Variants in NEBL observed in about 807,000 individuals in gnomAD.
The protein encoded by NEBL is LIM and SH3 protein 2.
Under a neutral mutation model 140.2 loss-of-function variants are expected in NEBL, and 122 were observed. That is an observed-to-expected ratio of 0.87 (90% CI 0.75 to 1.01). The LOEUF (loss-of-function observed/expected upper bound fraction) is 1.01, where lower values mean the gene tolerates loss of function less well. NEBL is among the 50% of genes least tolerant of loss of function. NEBL has a pLI of 0.00. For synonymous variants in NEBL, 436 were observed against 398.9 expected (o/e 1.09, Z -1.11); for missense variants, 1,365 against 1,231.3 (o/e 1.11, Z -1.62).
intron 4 of NEBL, among the ~76,000 whole-genome samples, chr10:20,923,203 G>A (rs1468284648): frequency 1.3e-5 from 2 of 151,822 alleles, no homozygotes; most frequent in Non-Finnish European, 2.9e-5. Context: ...AAGTAGCTGG[G>A]ACCACAGCCA....
chr10:21,124,420 C>T (rs192880232), intron 2 of NEBL, among the ~76,000 whole-genome samples: 246 of 152,272 alleles, frequency 1.6e-3, no homozygotes, highest in Middle Eastern at 3.4e-3. Context: ...TATAATCAGG[C>T]CTGGGCCTTT....
At chr10:20,897,553 TA>T, upstream of NEBL, 1 of 1,057,144 alleles carries the variant, frequency 9.5e-7, no homozygotes, top group Non-Finnish European at 1.1e-6. Flanking sequence ...TAAAAGAGCA[TA>T]AAAAGGACTT....
intron 24 of NEBL, 129 bp from the exon 25 acceptor site, chr10:20,810,027 G>A: frequency 1.5e-6 from 1 of 689,290 alleles, no homozygotes; most frequent in Non-Finnish European, 2.5e-6. Flanking sequence ...AAGCAAACAT[G>A]TAACAGACAA....
At chr10:20,813,185 C>CTA (rs1410408975) in intron 23 of NEBL, among the ~76,000 whole-genome samples, 2 of 150,370 alleles carry the variant, frequency 1.3e-5, no homozygotes, top group Admixed American at 6.6e-5. Flanking sequence ...ATATATAAAA[C>CTA]TATATATATA....
intron 13 of NEBL, among the ~76,000 whole-genome samples, chr10:20,836,333 C>T (rs1666304586): frequency 6.6e-6 from 1 of 152,082 alleles, no homozygotes; most frequent in African/African-American, 2.4e-5. Flanking sequence ...AGCGATTCTC[C>T]AGCCTCAGCC....
chr10:21,180,102 ACT>A (rs1477209289), intron 3 of NEBL, among the ~76,000 whole-genome samples: 1 of 152,062 alleles, frequency 6.6e-6, no homozygotes, highest in African/African-American at 2.4e-5. Flanking sequence ...GTGCCACTGT[ACT>A]TCAGACTGGG....
intron 26 of NEBL, 45 bp downstream of exon 26, chr10:20,808,465 T>TA (rs1410888282): frequency 1.2e-6 from 2 of 1,602,812 alleles, no homozygotes; most frequent in East Asian, 2.2e-5. Flanking sequence ...GTGACACACT[T>TA]AAAAAATGAA....
At chr10:20,845,445 C>T in intron 11 of NEBL, 77 bp from the exon 12 acceptor site, 1 of 936,210 alleles carries the variant, frequency 1.1e-6, no homozygotes, top group Non-Finnish European at 1.7e-6. Flanking sequence ...CAAGAGTTCC[C>T]AGAACAAAAA....
At chr10:20,799,436 G>A (rs989428687) in intron 26 of NEBL, among the ~76,000 whole-genome samples, 1 of 152,150 alleles carries the variant, frequency 6.6e-6, no homozygotes, top group Non-Finnish European at 1.5e-5. Context: ...GATTGCAGGC[G>A]TGCCCGGTTC....
intron 2 of NEBL, among the ~76,000 whole-genome samples, chr10:21,135,302 T>C (rs1361806559): frequency 6.6e-6 from 1 of 152,244 alleles, no homozygotes; most frequent in African/African-American, 2.4e-5. Flanking sequence ...GGGCCAATGC[T>C]GACAGGACAG....
chr10:20,973,076 A>T (rs570087623), intron 3 of NEBL, among the ~76,000 whole-genome samples: 2 of 152,172 alleles, frequency 1.3e-5, no homozygotes, highest in Non-Finnish European at 2.9e-5. Context: ...AGAGCTCCAC[A>T]TTAATTACAG....
intron 7 of NEBL, among the ~76,000 whole-genome samples, chr10:20,860,579 A>C (rs1432700245): frequency 1.3e-5 from 2 of 150,184 alleles, no homozygotes; most frequent in Admixed American, 6.6e-5. Context: ...AAAAAAAAAA[A>C]AAAAAAAACC....
intron 1 of NEBL, among the ~76,000 whole-genome samples, chr10:21,254,830 T>C (rs1245811045): frequency 6.6e-6 from 1 of 152,164 alleles, no homozygotes; most frequent in Admixed American, 6.6e-5. Context: ...TGCCCATGAC[T>C]GCCTGACCCT....
intron 16 of NEBL, among the ~76,000 whole-genome samples, chr10:20,829,788 C>T (rs1036079253): frequency 1.3e-5 from 2 of 152,066 alleles, no homozygotes; most frequent in East Asian, 1.9e-4. Context: ...CCTTCACTCT[C>T]AATACTTTTA....
rs1835089973 is a variant in NEBL, at chr10:20,782,374, A to G, written c.*3373T>C. The G allele has an allele frequency of 1.3e-5, 2 of 152,646 alleles. No homozygotes were observed. Among genetic ancestry groups the G allele is most frequent in the Non-Finnish European group, 2.9e-5 (2 of 68,030 alleles). The allele number at this position is 152,646 out of a possible 1,614,324, so 9.5% of individuals were successfully genotyped here. On this transcript the variant is annotated 3_prime_UTR_variant, in exon 28 of 28. Transcript: ENST00000377122. ...CTATAGGGATGTGTTATTAAAGATC[A>G]CACACATTTTCTTCATCTTTTATTG...
At chr10:20,886,617 G>T (rs2131352004) in intron 4 of NEBL, among the ~76,000 whole-genome samples, 1 of 152,260 alleles carries the variant, frequency 6.6e-6, no homozygotes, top group Non-Finnish European at 1.5e-5. Flanking sequence ...AGCATAGTGT[G>T]TGGTTAAAAA....
intron 2 of NEBL, among the ~76,000 whole-genome samples, chr10:21,143,594 A>G (rs1031951756): frequency 6.6e-6 from 1 of 152,162 alleles, no homozygotes. Flanking sequence ...GACAAATATC[A>G]GAAAGATATA....
At chr10:21,012,875 A>G (rs924513893) in intron 3 of NEBL, among the ~76,000 whole-genome samples, 3 of 152,162 alleles carry the variant, frequency 2.0e-5, no homozygotes, top group African/African-American at 7.2e-5. Flanking sequence ...CCAGGAAGGA[A>G]TCAAAGGACC....
At chr10:20,866,010 A>G (rs536031263) in intron 7 of NEBL, among the ~76,000 whole-genome samples, 2 of 152,132 alleles carry the variant, frequency 1.3e-5, no homozygotes, top group South Asian at 2.1e-4. Context: ...CACCATGTTA[A>G]CCTTCCCTAA....
Sources: gnomAD v4.1 joint callset for allele counts (sites outside exome capture counted in the v4.1 genomes callset) on GRCh38, gnomAD v4.1.1 for gene constraint, MANE v1.5 for transcripts, NCBI Gene and HGNC (gene_info 2026-07-23, HGNC 2026-07-21) for gene names.